Variants in COL14A1 observed in about 807,000 individuals in gnomAD.
COL14A1 encodes collagen alpha-1(XIV) chain.
COL14A1 carries 136 observed loss-of-function variants against 230.3 expected under a neutral mutation model. The observed-to-expected ratio is 0.59, with a 90% CI of 0.51 to 0.68. COL14A1 has a LOEUF of 0.68. Ranked by LOEUF, COL14A1 falls within the 30% of genes least tolerant of loss-of-function variation. The pLI is 0.00. For synonymous variants in COL14A1, 792 were observed against 784.1 expected (o/e 1.01, Z -0.17); for missense variants, 1,976 against 2,215.8 (o/e 0.89, Z 2.17).
chr8:120,211,170 A>G (rs1454237451), intron 12 of COL14A1, among the ~76,000 whole-genome samples: 2 of 152,280 alleles, frequency 1.3e-5, no homozygotes, highest in Admixed American at 1.3e-4. Flanking sequence ...TTGGAAATGT[A>G]TCATAGGGAA....
intron 13 of COL14A1, chr8:120,214,028 G>A (rs1817683156): frequency 6.5e-6 from 2 of 309,292 alleles, no homozygotes; most frequent in South Asian, 5.4e-5. Context: ...TGGGCTTTGA[G>A]GTTAGGAAAC....
chr8:120,359,868 TTC>T (rs149854518), intron 45 of COL14A1, among the ~76,000 whole-genome samples: 3 of 151,382 alleles, frequency 2.0e-5, no homozygotes, highest in African/African-American at 4.9e-5. Flanking sequence ...GCACCTCATC[TTC>T]TCTCTCTCTC....
intron 11 of COL14A1, among the ~76,000 whole-genome samples, chr8:120,209,408 G>C (rs570796669): frequency 6.6e-6 from 1 of 151,974 alleles, no homozygotes; most frequent in African/African-American, 2.4e-5. Flanking sequence ...GTGTAGTAGG[G>C]GGTGGGGACG....
chr8:120,237,331 C>T (rs186488021), intron 19 of COL14A1, among the ~76,000 whole-genome samples: 7 of 152,202 alleles, frequency 4.6e-5, no homozygotes, highest in Non-Finnish European at 8.8e-5. Context: ...TTTCTCTAAT[C>T]TTGTCTTCAT....
intron 45 of COL14A1, among the ~76,000 whole-genome samples, chr8:120,358,594 G>A (rs892173151): frequency 2.6e-5 from 4 of 151,468 alleles, no homozygotes; most frequent in African/African-American, 4.9e-5. Flanking sequence ...AGTCGTCATC[G>A]TGTAATTTAG....
rs1812222826 is a variant in COL14A1 at position 120,373,396 on chromosome 8, A to C, written c.*2165A>C. On this transcript the variant is annotated 3_prime_UTR_variant, in exon 48 of 48. Transcript: ENST00000297848. ...ATTTTTATTGAGTAAAATGTTAAAAATAATAAGTGTAACTCAGATTCTGGA... is the reference window on the plus strand; with the variant it reads ...ATTTTTATTGAGTAAAATGTTAAAACTAATAAGTGTAACTCAGATTCTGGA... Among the ~76,000 whole-genome samples the C allele has an allele frequency of 6.6e-6, 1 of 152,218 alleles. No homozygotes were observed. Among genetic ancestry groups the C allele is most frequent in the Non-Finnish European group, 1.5e-5 (1 of 68,030 alleles).
chr8:120,341,878 G>C (rs569291719), intron 43 of COL14A1, among the ~76,000 whole-genome samples: 4 of 152,268 alleles, frequency 2.6e-5, no homozygotes, highest in Non-Finnish European at 4.4e-5. Flanking sequence ...CAATTGTGCA[G>C]CTGCTAATAT....
intron 32 of COL14A1, among the ~76,000 whole-genome samples, chr8:120,285,578 C>G (rs1400319498): frequency 1.3e-5 from 2 of 151,824 alleles, no homozygotes; most frequent in Admixed American, 1.3e-4. Context: ...CAGTTTCTCC[C>G]AGGAGAGTGA....
chr8:120,208,868 A>G (rs1242434643), intron 11 of COL14A1, among the ~76,000 whole-genome samples: 2 of 152,270 alleles, frequency 1.3e-5, no homozygotes, highest in African/African-American at 2.4e-5. Flanking sequence ...CATAATACAC[A>G]CACGCACACA....
chr8:120,245,668 T>C (rs1374609628), intron 20 of COL14A1, among the ~76,000 whole-genome samples: 1 of 152,138 alleles, frequency 6.6e-6, no homozygotes, highest in Non-Finnish European at 1.5e-5. Flanking sequence ...CTGGTGGTAT[T>C]CACTTGAGGG....
At chr8:120,209,397 A>T (rs1039474220) in intron 11 of COL14A1, among the ~76,000 whole-genome samples, 1 of 152,056 alleles carries the variant, frequency 6.6e-6, no homozygotes, top group African/African-American at 2.4e-5. Context: ...AGGATGTTTT[A>T]GTGTAGTAGG....
In COL14A1 at chr8:120,369,423, A is replaced by G. The variant is rs1036460822; in HGVS notation, c.5249A>G (p.Gln1750Arg). ...PPGHLGVPGP[Q>R]GPSGQPGYCD... ...GGTCATCTGGGGGTTCCTGGACCCC[A>G]AGGTCCTTCTGGCCAGCCTGGATAT... The change falls in exon 47 of 48, where the codon CAA (glutamine) becomes CGA (arginine). Residue 1750 changes from glutamine (Q) to arginine (R), a missense_variant. By Grantham distance (43) the Gln-to-Arg change is conservative. Transcript: ENST00000297848. The G allele has an allele frequency of 6.2e-7, 1 of 1,610,746 alleles. No individual in the cohort carries two copies. The highest frequency in any genetic ancestry group is 8.5e-7 in the Non-Finnish European group (1 of 1,178,544).
At chr8:120,191,951 G>A (rs1270934461) in intron 5 of COL14A1, among the ~76,000 whole-genome samples, 1 of 151,824 alleles carries the variant, frequency 6.6e-6, no homozygotes, top group Admixed American at 6.6e-5. Context: ...CTGCACGTGA[G>A]ATGGGTTTCC....
At chr8:120,213,119 C>A (rs1398819791) in intron 13 of COL14A1, among the ~76,000 whole-genome samples, 2 of 152,086 alleles carry the variant, frequency 1.3e-5, no homozygotes, top group Admixed American at 1.3e-4. Flanking sequence ...TTTAACTGAG[C>A]CTATTACTAT....
intron 6 of COL14A1, among the ~76,000 whole-genome samples, chr8:120,197,484 T>C (rs1346664684): frequency 2.0e-5 from 3 of 152,028 alleles, no homozygotes; most frequent in Non-Finnish European, 4.4e-5. Context: ...TTAAGAAAAA[T>C]GACTCCTTTG....
chr8:120,356,727 CAA>C (rs879421447), intron 45 of COL14A1, among the ~76,000 whole-genome samples: 1 of 143,626 alleles, frequency 7.0e-6, no homozygotes, highest in Non-Finnish European at 1.5e-5. Context: ...GACTCTTTCT[CAA>C]AAAAAAAAAA....
At chr8:120,331,627 G>A (rs561495916) in intron 40 of COL14A1, among the ~76,000 whole-genome samples, 8 of 152,176 alleles carry the variant, frequency 5.3e-5, no homozygotes, top group African/African-American at 1.9e-4. Flanking sequence ...ATGACACTCA[G>A]TAAATCTGTC....
chr8:120,277,443 T>C (rs180920720), intron 26 of COL14A1: 1 of 152,202 alleles, frequency 6.6e-6, no homozygotes, highest in Non-Finnish European at 1.5e-5. Flanking sequence ...AACTACTTTC[T>C]GAAAGTACTG....
chr8:120,297,480 A>T, intron 34 of COL14A1, 31 bp from the exon 35 acceptor site: 1 of 1,172,808 alleles, frequency 8.5e-7, no homozygotes, highest in Non-Finnish European at 1.2e-6. Flanking sequence ...TATATATTTT[A>T]TTGAATGACA....
Sources: gnomAD v4.1 joint callset for allele counts (sites outside exome capture counted in the v4.1 genomes callset) on GRCh38, gnomAD v4.1.1 for gene constraint, MANE v1.5 for transcripts, NCBI Gene and HGNC (gene_info 2026-07-23, HGNC 2026-07-21) for gene names.